The following SUGCT variants were observed in gnomAD, a reference collection of about 807,000 sequenced individuals.
SUGCT encodes the protein succinyl-CoA:glutarate-CoA transferase, also known as succinyl-CoA:glutarate CoA-transferase.
Under a neutral mutation model 55.0 loss-of-function variants are expected in SUGCT, and 41 were observed. The observed-to-expected ratio is 0.74, with a 90% CI of 0.58 to 0.97. The LOEUF is 0.97. Ranked by LOEUF, SUGCT falls within the 50% of genes least tolerant of loss-of-function variation. The pLI is 0.00. For synonymous variants in SUGCT, 187 were observed against 200.4 expected (o/e 0.93, Z 0.56); for missense variants, 568 against 547.8 (o/e 1.04, Z -0.37).
chr7:40,970,076 C>T, the SUGCT span, among the ~76,000 whole-genome samples: 44 of 152,260 alleles, frequency 2.9e-4, no homozygotes, highest in Non-Finnish European at 3.8e-4. Context: ...GATGGCAATA[C>T]AATGAAAGTC....
the SUGCT span, among the ~76,000 whole-genome samples, chr7:41,025,502 T>C: frequency 6.6e-6 from 1 of 152,070 alleles, no homozygotes; most frequent in South Asian, 2.1e-4. Flanking sequence ...CCCGAGTAGC[T>C]GGAACTACAG....
intron 9 of SUGCT, among the ~76,000 whole-genome samples, chr7:40,322,038 A>G (rs1795782442): frequency 6.6e-6 from 1 of 152,292 alleles, no homozygotes; most frequent in East Asian, 1.9e-4. Context: ...GTACTAATTT[A>G]CATTCACACC....
At chr7:40,551,248 C>A (rs910897137) in intron 12 of SUGCT, among the ~76,000 whole-genome samples, 2 of 152,146 alleles carry the variant, frequency 1.3e-5, no homozygotes, top group Non-Finnish European at 2.9e-5. Flanking sequence ...TTGGCCTTTG[C>A]ATTGAAAAGT....
the SUGCT span, among the ~76,000 whole-genome samples, chr7:40,899,252 C>T: frequency 6.6e-6 from 1 of 152,204 alleles, no homozygotes; most frequent in African/African-American, 2.4e-5. Context: ...TCCTCACCAA[C>T]CCTGACTGGC....
the SUGCT span, among the ~76,000 whole-genome samples, chr7:41,001,444 A>G: frequency 6.6e-6 from 1 of 152,222 alleles, no homozygotes; most frequent in Admixed American, 6.5e-5. Context: ...GAAAGAGTCT[A>G]CTAAGAAAAA....
At chr7:40,671,525 G>A (rs1192137271) in intron 12 of SUGCT, among the ~76,000 whole-genome samples, 3 of 152,152 alleles carry the variant, frequency 2.0e-5, no homozygotes, top group Non-Finnish European at 4.4e-5. Flanking sequence ...GTTAGGGGGT[G>A]CATGTTAAAC....
chr7:41,025,654 C>T, the SUGCT span, among the ~76,000 whole-genome samples: 2 of 151,844 alleles, frequency 1.3e-5, no homozygotes, highest in Non-Finnish European at 2.9e-5. Flanking sequence ...CGTGCCCAGC[C>T]ACTGTAAGAA....
chr7:40,297,709 A>G (rs763827685), intron 8 of SUGCT, among the ~76,000 whole-genome samples: 1 of 152,168 alleles, frequency 6.6e-6, no homozygotes, highest in Non-Finnish European at 1.5e-5. Flanking sequence ...TAAAACTGTT[A>G]TTCTCTTTTT....
At chr7:40,440,804 A>G (rs1300244023) in intron 9 of SUGCT, among the ~76,000 whole-genome samples, 1 of 152,094 alleles carries the variant, frequency 6.6e-6, no homozygotes, top group Admixed American at 6.6e-5. Context: ...TTTTGAGACC[A>G]GCCTGTGCAA....
intron 12 of SUGCT, among the ~76,000 whole-genome samples, chr7:40,689,333 A>G (rs17171763): frequency 0.31 from 46,978 of 152,094 alleles, 7,522 homozygotes; most frequent in African/African-American, 0.4. Flanking sequence ...AAAATATCAC[A>G]AAGGCAATCT....
intron 9 of SUGCT, among the ~76,000 whole-genome samples, chr7:40,336,222 A>G (rs973684823): frequency 1.3e-5 from 2 of 151,752 alleles, no homozygotes; most frequent in Admixed American, 6.6e-5. Context: ...TTTTTGTTGT[A>G]TCTCTGCCAG....
intron 12 of SUGCT, among the ~76,000 whole-genome samples, chr7:40,720,401 A>G (rs555987766): frequency 6.6e-6 from 1 of 152,350 alleles, no homozygotes; most frequent in African/African-American, 2.4e-5. Context: ...CCAGAGAAGA[A>G]TGGAGATGCT....
At chr7:41,034,559 C>T in the SUGCT span, among the ~76,000 whole-genome samples, 2 of 152,172 alleles carry the variant, frequency 1.3e-5, no homozygotes, top group East Asian at 3.9e-4. Context: ...ATTGGGACTT[C>T]TTGTGCACCA....
the SUGCT span, among the ~76,000 whole-genome samples, chr7:40,935,382 A>T: frequency 1.3e-5 from 2 of 152,174 alleles, no homozygotes; most frequent in East Asian, 3.9e-4. Flanking sequence ...GAAACTCCAT[A>T]TCATTAGTTG....
At chr7:40,456,984 A>G (rs1051756636) in intron 10 of SUGCT, among the ~76,000 whole-genome samples, 1 of 152,016 alleles carries the variant, frequency 6.6e-6, no homozygotes, top group Admixed American at 6.6e-5. Flanking sequence ...AAACACTTGC[A>G]GTTTTTATTA....
intron 13 of SUGCT, among the ~76,000 whole-genome samples, chr7:40,828,575 G>GT (rs1365007308): frequency 6.4e-4 from 55 of 86,338 alleles, no homozygotes; most frequent in African/African-American, 2.2e-3. Flanking sequence ...ACTTGCTACA[G>GT]TAAAAAAAAA....
At chr7:40,157,028 A>AC (rs1783932271) in intron 1 of SUGCT, among the ~76,000 whole-genome samples, 1 of 151,082 alleles carries the variant, frequency 6.6e-6, no homozygotes. Context: ...AAAAAAAAAA[A>AC]GGTAAATATT....
At chr7:40,302,142 A>G (rs550724835) in intron 8 of SUGCT, among the ~76,000 whole-genome samples, 2 of 152,180 alleles carry the variant, frequency 1.3e-5, no homozygotes, top group South Asian at 2.1e-4. Context: ...TATTTTCTTA[A>G]TGCTTTGCAT....
chr7:40,836,052 C>T (rs907302528), intron 13 of SUGCT, among the ~76,000 whole-genome samples: 8 of 146,006 alleles, frequency 5.5e-5, no homozygotes, highest in African/African-American at 2.0e-4. Flanking sequence ...GTCACTATGC[C>T]TACTAATTTT....
Sources: allele counts gnomAD v4.1 joint callset (sites outside exome capture counted in the v4.1 genomes callset), GRCh38; gene constraint gnomAD v4.1.1; transcripts MANE v1.5; gene names NCBI Gene and HGNC (gene_info 2026-07-23, HGNC 2026-07-21).